Variants in LARGE1 observed in about 807,000 individuals in gnomAD.
LARGE1 encodes the protein LARGE xylosyl- and glucuronyltransferase 1.
In LARGE1, 43 loss-of-function variants were observed where a neutral mutation model predicts 87.6. The ratio of observed to expected loss-of-function variants is 0.49; its 90% CI spans 0.38 to 0.63. LARGE1 has a LOEUF of 0.63. Ranked by LOEUF, LARGE1 falls within the 30% of genes least tolerant of loss-of-function variation. The probability of loss-of-function intolerance (pLI) is 0.00; values close to 1 mark genes in which losing one functional copy is unlikely to be tolerated. For missense variants in LARGE1, 802 were observed against 1,000.2 expected (o/e 0.80, Z 2.67); for synonymous variants, 434 against 394.6 (o/e 1.10, Z -1.18).
intron 6 of LARGE1, among the ~76,000 whole-genome samples, chr22:33,505,818 A>C (rs999670234): frequency 1.3e-5 from 2 of 152,138 alleles, no homozygotes; most frequent in African/African-American, 4.8e-5. Context: ...TGTCACTTGC[A>C]ATCAGTTTCC....
At chr22:33,398,163 T>C (rs2065812452) in intron 7 of LARGE1, among the ~76,000 whole-genome samples, 1 of 151,832 alleles carries the variant, frequency 6.6e-6, no homozygotes, top group Non-Finnish European at 1.5e-5. Context: ...CATTCATGGG[T>C]GGGTGATGCC....
intron 6 of LARGE1, among the ~76,000 whole-genome samples, chr22:33,513,279 T>C (rs988743152): frequency 4.6e-5 from 7 of 152,234 alleles, no homozygotes; most frequent in Non-Finnish European, 8.8e-5. Context: ...CTTTGCATGG[T>C]GGTCAATCTT....
chr22:33,346,277 T>C (rs1345875762), intron 9 of LARGE1, among the ~76,000 whole-genome samples: 1 of 149,406 alleles, frequency 6.7e-6, no homozygotes, highest in Non-Finnish European at 1.5e-5. Flanking sequence ...CTCTCTTTCT[T>C]TCCTCCTCCT....
chr22:33,660,090 G>GTTTTTTT (rs35643369), intron 2 of LARGE1, among the ~76,000 whole-genome samples: 1 of 125,442 alleles, frequency 8.0e-6, no homozygotes, highest in Admixed American at 8.2e-5. Flanking sequence ...GTGTGTGTGT[G>GTTTTTTT]TTTTTTTTTT....
At chr22:33,456,347 C>T (rs556552693) in intron 6 of LARGE1, among the ~76,000 whole-genome samples, 1 of 152,094 alleles carries the variant, frequency 6.6e-6, no homozygotes, top group Non-Finnish European at 1.5e-5. Context: ...TCTGACCTAC[C>T]GTATTTGCTG....
chr22:33,909,040 CCT>C (rs1441064864), intron 1 of LARGE1, among the ~76,000 whole-genome samples: 1 of 152,068 alleles, frequency 6.6e-6, no homozygotes, highest in Admixed American at 6.5e-5. Context: ...GTTCTATAAC[CCT>C]GAGCCCATTT....
At chr22:33,366,076 A>T (rs1408125786) in intron 9 of LARGE1, among the ~76,000 whole-genome samples, 1 of 152,252 alleles carries the variant, frequency 6.6e-6, no homozygotes, top group Non-Finnish European at 1.5e-5. Context: ...TTTAAAAAAT[A>T]AAAGTTTAAT....
intron 1 of LARGE1, among the ~76,000 whole-genome samples, chr22:33,889,893 C>G (rs187170854): frequency 6.6e-6 from 1 of 152,332 alleles, no homozygotes. Flanking sequence ...AAATGGCCCC[C>G]GCCCTTGTGT....
intron 9 of LARGE1, among the ~76,000 whole-genome samples, chr22:33,379,745 T>A (rs1185203153): frequency 6.6e-6 from 1 of 152,160 alleles, no homozygotes; most frequent in Non-Finnish European, 1.5e-5. Flanking sequence ...TAGGTGGGAA[T>A]TGATCAGTGG....
chr22:33,522,276 C>A (rs11702963), intron 6 of LARGE1, among the ~76,000 whole-genome samples: 6,723 of 152,262 alleles, frequency 0.044, 393 homozygotes, highest in African/African-American at 0.14. Context: ...GAAGAGTTAG[C>A]CACCTCTGTC....
At chr22:33,436,627 T>C (rs926262965) in intron 6 of LARGE1, 3 of 153,476 alleles carry the variant, frequency 2.0e-5, no homozygotes, top group African/African-American at 7.2e-5. Context: ...GTGACAGTTA[T>C]CTGACTGGTG....
chr22:33,901,062 G>C (rs574701866), intron 1 of LARGE1, among the ~76,000 whole-genome samples: 1 of 152,038 alleles, frequency 6.6e-6, no homozygotes, highest in Non-Finnish European at 1.5e-5. Flanking sequence ...AAAAAGGGAG[G>C]GGGGGTTGTT....
At chr22:33,704,446 G>C (rs1409926797) in intron 2 of LARGE1, among the ~76,000 whole-genome samples, 1 of 152,176 alleles carries the variant, frequency 6.6e-6, no homozygotes, top group Non-Finnish European at 1.5e-5. Context: ...TGCTCACCGA[G>C]TGCTCTCTTA....
intron 1 of LARGE1, among the ~76,000 whole-genome samples, chr22:33,898,104 A>T (rs974960579): frequency 6.6e-6 from 1 of 152,264 alleles, no homozygotes; most frequent in African/African-American, 2.4e-5. Flanking sequence ...ACAATTACCA[A>T]GAGGACTATG....
chr22:33,728,495 C>T (rs531918117), intron 2 of LARGE1, among the ~76,000 whole-genome samples: 18 of 147,768 alleles, frequency 1.2e-4, no homozygotes, highest in South Asian at 4.3e-4. Flanking sequence ...GCCAAGATCA[C>T]GCCACTGCAC....
At chr22:33,845,280 G>A (rs1243710453) in intron 1 of LARGE1, among the ~76,000 whole-genome samples, 2 of 151,996 alleles carry the variant, frequency 1.3e-5, no homozygotes, top group Admixed American at 6.6e-5. Context: ...TCCAGGATGG[G>A]ATGTATAATG....
chr22:33,420,955 AG>A (rs574689025), intron 7 of LARGE1, among the ~76,000 whole-genome samples: 3 of 152,138 alleles, frequency 2.0e-5, no homozygotes, highest in Admixed American at 6.5e-5. Context: ...TGGGAGGCCG[AG>A]GGGGGTGAAT....
At chr22:33,214,562 G>A (rs1016375616) in intron 11 of LARGE1, among the ~76,000 whole-genome samples, 3 of 151,928 alleles carry the variant, frequency 2.0e-5, no homozygotes, top group Non-Finnish European at 4.4e-5. Flanking sequence ...TTCTGAGAAC[G>A]ACCTCAGAGA....
At chr22:33,295,396 G>A (rs973584010) in intron 12 of LARGE1, among the ~76,000 whole-genome samples, 2 of 152,220 alleles carry the variant, frequency 1.3e-5, no homozygotes, top group Non-Finnish European at 2.9e-5. Flanking sequence ...GGGAGACTAC[G>A]AGAAGCCCTC....
Sources: gnomAD v4.1 joint callset for allele counts (sites outside exome capture counted in the v4.1 genomes callset) on GRCh38, gnomAD v4.1.1 for gene constraint, MANE v1.5 for transcripts, NCBI Gene and HGNC (gene_info 2026-07-23, HGNC 2026-07-21) for gene names.